SLC12A7: variants seen among roughly 807,000 people sequenced by gnomAD.
The protein encoded by SLC12A7 is solute carrier family 12 member 7, also known as K-Cl cotransporter 4.
Under a neutral mutation model 120.6 loss-of-function variants are expected in SLC12A7, and 100 were observed. The ratio of observed to expected loss-of-function variants is 0.83; its 90% CI spans 0.71 to 0.98. The LOEUF (loss-of-function observed/expected upper bound fraction) is 0.98. Among genes scored for constraint, SLC12A7 ranks in the 50% least tolerant of loss-of-function variants. SLC12A7 has a pLI of 0.00. For missense variants in SLC12A7, 1,373 were observed against 1,548.1 expected (o/e 0.89, Z 1.90); for synonymous variants, 760 against 678.0 (o/e 1.12, Z -1.88).
At chr5:1,145,593 A>T in the SLC12A7 span, among the ~76,000 whole-genome samples, 1 of 152,166 alleles carries the variant, frequency 6.6e-6, no homozygotes, top group Non-Finnish European at 1.5e-5. This position sits in a 1 kb window ranked among gnomAD's most constrained non-coding sequence, Gnocchi z 4.4. Flanking sequence ...TGAAACAGGA[A>T]GGTCCCTGGA....
chr5:1,069,423 A>G (rs1373139421), intron 17 of SLC12A7, among the ~76,000 whole-genome samples: 1 of 152,212 alleles, frequency 6.6e-6, no homozygotes, highest in African/African-American at 2.4e-5. Context: ...GGGCGGCTGC[A>G]GATGCCTGGA....
chr5:1,111,831 G>T (rs1743034719), intron 1 of SLC12A7, 37 bp downstream of exon 1: 3 of 1,197,646 alleles, frequency 2.5e-6, no homozygotes, highest in South Asian at 4.1e-5. Context: ...CGCTCGGGGC[G>T]CTCGGCCTTT....
chr5:1,063,327 G>C (rs983747671), intron 20 of SLC12A7, among the ~76,000 whole-genome samples: 31 of 152,208 alleles, frequency 2.0e-4, no homozygotes, highest in Non-Finnish European at 3.8e-4. Flanking sequence ...CATCTGGGGA[G>C]AGCACCCAAA....
the SLC12A7 span, among the ~76,000 whole-genome samples, chr5:1,145,950 C>T: frequency 6.6e-6 from 1 of 152,182 alleles, no homozygotes; most frequent in Admixed American, 6.5e-5. The surrounding 1 kb of genome is among the most constrained non-coding windows in gnomAD (Gnocchi z 4.4). Flanking sequence ...GTAAAACCAT[C>T]ACCGCCATCC....
chr5:1,096,942 C>T (rs1338929284), intron 1 of SLC12A7, among the ~76,000 whole-genome samples: 2 of 150,280 alleles, frequency 1.3e-5, no homozygotes, highest in African/African-American at 4.9e-5. Flanking sequence ...GGGAGAGACC[C>T]GAGGGTTTCG....
At chr5:1,145,792 G>A in the SLC12A7 span, among the ~76,000 whole-genome samples, 1 of 152,084 alleles carries the variant, frequency 6.6e-6, no homozygotes, top group East Asian at 1.9e-4. The surrounding 1 kb of genome is among the most constrained non-coding windows in gnomAD (Gnocchi z 4.4). Context: ...GGGGGTGCGG[G>A]AGGGTTTAGT....
At chr5:1,075,340 C>G (rs767365778) in intron 15 of SLC12A7, 31 bp downstream of exon 15, 1 of 1,600,346 alleles carries the variant, frequency 6.2e-7, no homozygotes, top group South Asian at 1.1e-5. Context: ...TCCCGTGCGC[C>G]GGGTCTGTAA....
chr5:1,082,347 G>A (rs1474758068), intron 8 of SLC12A7, among the ~76,000 whole-genome samples: 4 of 106,102 alleles, frequency 3.8e-5, no homozygotes, highest in South Asian at 2.9e-4. Flanking sequence ...TTCCCGTCTC[G>A]GGTTCTGGAA....
chr5:1,136,504 G>A, the SLC12A7 span, among the ~76,000 whole-genome samples: 18 of 117,682 alleles, frequency 1.5e-4, no homozygotes, highest in Non-Finnish European at 2.3e-4. Flanking sequence ...AGGCACACAC[G>A]TGGTCAGACA....
intron 1 of SLC12A7, among the ~76,000 whole-genome samples, chr5:1,098,142 CA>C (rs1375299634): frequency 8.7e-4 from 80 of 91,532 alleles, no homozygotes; most frequent in African/African-American, 3.9e-3. Context: ...GCCCAGCCCC[CA>C]CAACCCTCTG....
rs1738761470 is a variant in SLC12A7, at chr5:1,079,498, T to G, written c.1298-2A>C. Reference sequence around the variant, plus strand: ...ACCGGTTTGAACCCGCCATGATACCTGTGAACATGGAAAATGCTGCAAAGA... The same window carrying G: ...ACCGGTTTGAACCCGCCATGATACCGGTGAACATGGAAAATGCTGCAAAGA... On this transcript the variant is annotated splice_acceptor_variant, in intron 9 of 23. Coordinates refer to ENST00000264930, the MANE Select transcript of SLC12A7 (RefSeq NM_006598.3). LOFTEE classifies it high-confidence loss of function. 1 of 1,608,920 alleles carries G rather than the reference T, an allele frequency of 6.2e-7. No homozygotes were observed. Among genetic ancestry groups the G allele is most frequent in the African/African-American group, 1.3e-5 (1 of 74,970 alleles).
intron 12 of SLC12A7, 39 bp from the exon 13 acceptor site, chr5:1,076,851 CA>C (rs1194946504): frequency 1.4e-6 from 2 of 1,384,788 alleles, no homozygotes; most frequent in African/African-American, 2.8e-5. Context: ...CAGATGACAC[CA>C]CCCTTTTAGG....
chr5:1,076,085 C>T (rs1430309869), intron 14 of SLC12A7, 53 bp downstream of exon 14: 4 of 1,470,934 alleles, frequency 2.7e-6, no homozygotes, highest in African/African-American at 1.4e-5. Flanking sequence ...GTGGCAGAGG[C>T]ACCCAGTGTC....
intron 1 of SLC12A7, among the ~76,000 whole-genome samples, chr5:1,106,468 A>G (rs1329408760): frequency 2.6e-5 from 4 of 151,912 alleles, no homozygotes; most frequent in African/African-American, 4.8e-5. Context: ...AAAAAAAAAA[A>G]AAAAAAGAAA....
At chr5:1,134,670 G>A in the SLC12A7 span, among the ~76,000 whole-genome samples, 6 of 152,082 alleles carry the variant, frequency 3.9e-5, no homozygotes, top group African/African-American at 1.4e-4. Context: ...ACTTCTGCAC[G>A]TGCTATAAAG....
At chr5:1,089,528 A>C (rs1340210365) in intron 3 of SLC12A7, among the ~76,000 whole-genome samples, 1 of 151,460 alleles carries the variant, frequency 6.6e-6, no homozygotes, top group Non-Finnish European at 1.5e-5. Context: ...CAGGAATGGA[A>C]GCAGAGCCAG....
At chr5:1,109,479 T>C (rs1313236807) in intron 1 of SLC12A7, among the ~76,000 whole-genome samples, 1 of 152,154 alleles carries the variant, frequency 6.6e-6, no homozygotes, top group African/African-American at 2.4e-5. Flanking sequence ...AAAAGCTCCG[T>C]CCCAAGAAGT....
At chr5:1,142,370 A>C in the SLC12A7 span, among the ~76,000 whole-genome samples, 653 of 26,104 alleles carry the variant, frequency 0.025, no homozygotes, top group African/African-American at 0.028. Flanking sequence ...TCTCCCCTCC[A>C]CCCTCTCCTG....
chr5:1,061,160 G>GCATCCGCCA (rs1491093487), intron 20 of SLC12A7, among the ~76,000 whole-genome samples: 9 of 22,402 alleles, frequency 4.0e-4, no homozygotes, highest in African/African-American at 5.6e-4. Flanking sequence ...CGCACCCGCC[G>GCATCCGCCA]TGCGGGACCC....
Sources: gnomAD v4.1 joint callset for allele counts (sites outside exome capture counted in the v4.1 genomes callset) on GRCh38, gnomAD v4.1.1 for gene constraint, Gnocchi (gnomAD v3.1) non-coding constraint, MANE v1.5 for transcripts, NCBI Gene and HGNC (gene_info 2026-07-23, HGNC 2026-07-21) for gene names.